The following RAP1GAP2 variants were observed in gnomAD, a reference collection of about 807,000 sequenced individuals.
The protein encoded by RAP1GAP2 is rap1 GTPase-activating protein 2.
A neutral mutation model predicts 95.0 loss-of-function variants in RAP1GAP2; 27 were observed. The ratio of observed to expected loss-of-function variants is 0.28; its 90% CI spans 0.21 to 0.39. The LOEUF (loss-of-function observed/expected upper bound fraction) is 0.39, where lower values mean the gene tolerates loss of function less well. Ranked by LOEUF, RAP1GAP2 falls within the 10% of genes least tolerant of loss-of-function variation. The pLI is 1.00. For synonymous variants in RAP1GAP2, 373 were observed against 380.9 expected, an observed-to-expected ratio of 0.98 and a Z score of 0.24; for missense variants, 771 against 970.0, an observed-to-expected ratio of 0.79 and a Z score of 2.72.
rs368266109 is a variant in RAP1GAP2, at chr17:2,927,399, C to T, written c.165+22031C>T. On this transcript the variant is annotated intron_variant, in intron 3 of 24. Transcript: ENST00000254695. ...CGATCTCCTGACCTCGTGATCCGCC[C>T]GCCTTGGCCTCCCAAAGTGCTGGGA... 4.8e-4 allele frequency among the ~76,000 whole-genome samples: 73 copies of T among 151,838 alleles called. No homozygotes were observed. In the South Asian group the frequency reaches 0.01, roughly 21 times the overall value.
At chr17:2,911,682 G>A (rs1372047197) in intron 3 of RAP1GAP2, among the ~76,000 whole-genome samples, 3 of 151,322 alleles carry the variant, frequency 2.0e-5, no homozygotes, top group Non-Finnish European at 4.4e-5. Context: ...AACGCTATGT[G>A]GGGAGGTGGG....
intron 2 of RAP1GAP2, among the ~76,000 whole-genome samples, chr17:2,807,056 G>A (rs1353581808): frequency 6.7e-6 from 1 of 150,060 alleles, no homozygotes; most frequent in East Asian, 2.0e-4. Context: ...GCACGTTTTT[G>A]TGGCTAATTT....
Position 2,796,480 on chromosome 17 carries a change from G to C in RAP1GAP2, c.-48G>C, listed in dbSNP as rs1435771620. The stretch of plus-strand genomic sequence containing the variant: ...ACGGCCCTCTTGCGGACAGCCCCGG[G>C]GACGTCGTTGGGACATCGCTGGGAC... On this transcript the variant is annotated 5_prime_UTR_variant, in exon 1 of 25. Coordinates refer to ENST00000254695, the MANE Select transcript of RAP1GAP2 (RefSeq NM_015085.5). This position sits in a 1 kb window ranked among gnomAD's most constrained non-coding sequence, Gnocchi z 4.7. The C allele has an allele frequency of 3.2e-6, 5 of 1,550,534 alleles. No homozygotes were observed. The highest frequency in any genetic ancestry group is 8.7e-7 in the Non-Finnish European group (1 of 1,146,464).
Position 2,891,809 on chromosome 17 carries a change from C to CTTTTTTTTTTT in RAP1GAP2, c.81-13471_81-13470insTTTTTTTTTTT, listed in dbSNP as rs1488865061. 5.2e-5 allele frequency among the ~76,000 whole-genome samples: 3 copies of CTTTTTTTTTTT among 58,030 alleles called. 1 individual carries two copies. The highest frequency in any genetic ancestry group is 8.1e-5 in the Non-Finnish European group (2 of 24,700). The allele number at this position is 58,030 out of a possible 152,430, so 38.1% of individuals were successfully genotyped here. A position where few individuals can be genotyped will look rare whatever the true frequency, so the allele number is the denominator to read the frequency against. On this transcript the variant is annotated intron_variant, in intron 2 of 24. Transcript: ENST00000254695. ...TCTGATGATATGCAGATTCATATTTCTTTTCTTTTTTTTTTTTTTTTTTTT... is the reference window on the plus strand; with the variant it reads ...TCTGATGATATGCAGATTCATATTTCTTTTTTTTTTTTTTTCTTTTTTTTTTTTTTTTTTTT...
At chr17:2,842,155 G>A (rs1364656352) in intron 2 of RAP1GAP2, among the ~76,000 whole-genome samples, 1 of 152,170 alleles carries the variant, frequency 6.6e-6, no homozygotes, top group African/African-American at 2.4e-5. Context: ...CAGCTGGTCA[G>A]GGCCCACGCT....
intron 2 of RAP1GAP2, among the ~76,000 whole-genome samples, chr17:2,874,186 TTAAATAAGAGG>T (rs2072983655): frequency 1.3e-5 from 2 of 152,172 alleles, no homozygotes; most frequent in Admixed American, 1.3e-4. Context: ...ATTCTGCAGA[TTAAATAAGAGG>T]CATAAGATTG....
chr17:2,787,806 A>C (rs899536806), intron 1 of RAP1GAP2, among the ~76,000 whole-genome samples: 1 of 152,122 alleles, frequency 6.6e-6, no homozygotes, highest in African/African-American at 2.4e-5. Flanking sequence ...TGACCTCGTG[A>C]TCTGCCCGCC....
At chr17:2,986,440 A>C (rs1447058856) in intron 11 of RAP1GAP2, among the ~76,000 whole-genome samples, 1 of 152,182 alleles carries the variant, frequency 6.6e-6, no homozygotes, top group Non-Finnish European at 1.5e-5. Context: ...ATGTTCCAGC[A>C]AAGTTATAAT....
At chr17:2,817,903 C>G (rs2070098000) in intron 2 of RAP1GAP2, among the ~76,000 whole-genome samples, 1 of 128,304 alleles carries the variant, frequency 7.8e-6, no homozygotes, top group Non-Finnish European at 1.8e-5. Context: ...AGGGCACAAT[C>G]TCAGCTCACT....
intron 3 of RAP1GAP2, among the ~76,000 whole-genome samples, chr17:2,943,751 T>C (rs58031764): frequency 0.057 from 8,723 of 152,076 alleles, 391 homozygotes; most frequent in African/African-American, 0.11. Flanking sequence ...AAAGAAGACA[T>C]ACAAGTGGTC....
intron 14 of RAP1GAP2, among the ~76,000 whole-genome samples, chr17:3,001,265 A>ACT (rs1443493216): frequency 1.7e-4 from 7 of 41,512 alleles, no homozygotes; most frequent in Non-Finnish European, 3.3e-4. Flanking sequence ...TCCAAGCTCC[A>ACT]GGCTGAAGTG....
At chr17:2,890,941 C>T (rs1374845030) in intron 2 of RAP1GAP2, among the ~76,000 whole-genome samples, 1 of 152,108 alleles carries the variant, frequency 6.6e-6, no homozygotes, top group African/African-American at 2.4e-5. Context: ...CCACCTCGGC[C>T]TCCCAAAGTG....
chr17:2,780,136 C>T (rs12938196), intron 1 of RAP1GAP2, among the ~76,000 whole-genome samples: 28,230 of 152,092 alleles, frequency 0.19, 2,995 homozygotes, highest in African/African-American at 0.28. Flanking sequence ...CCGCAACCTC[C>T]GCCTCCTGGG....
At chr17:2,815,389 AG>A (rs972213045) in intron 2 of RAP1GAP2, among the ~76,000 whole-genome samples, 5 of 152,002 alleles carry the variant, frequency 3.3e-5, no homozygotes, top group African/African-American at 4.8e-5. Flanking sequence ...GAGATTATCC[AG>A]GTGAAATGGG....
chr17:2,786,881 A>G (rs1238216937), intron 1 of RAP1GAP2, among the ~76,000 whole-genome samples: 2 of 150,188 alleles, frequency 1.3e-5, no homozygotes, highest in Non-Finnish European at 2.9e-5. Context: ...TCCTGACCTC[A>G]AGTGATCCAC....
rs3039128 is a variant in RAP1GAP2, at chr17:2,889,889, ATTT to A, written c.81-15382_81-15380del. On this transcript the variant is annotated intron_variant, in intron 2 of 24. Transcript: ENST00000254695. ...TATATATATATATATATATATATATATTTTTTTTTTTTTTTGTAGAGATGGGTT... is the reference window on the plus strand; with the variant it reads ...TATATATATATATATATATATATATATTTTTTTTTTTTGTAGAGATGGGTT... Among the ~76,000 whole-genome samples the A allele has an allele frequency of 1.3e-3, 74 of 57,314 alleles. 3 individuals are homozygous for A. Among genetic ancestry groups the A allele is most frequent in the African/African-American group, 5.1e-3 (71 of 13,866 alleles). The allele number at this position is 57,314 out of a possible 152,430, so 37.6% of individuals were successfully genotyped here. A position where few individuals can be genotyped will look rare whatever the true frequency, so the allele number is the denominator to read the frequency against.
intron 11 of RAP1GAP2, among the ~76,000 whole-genome samples, chr17:2,987,432 C>T (rs184353221): frequency 5.9e-5 from 9 of 151,456 alleles, no homozygotes; most frequent in Admixed American, 5.3e-4. Context: ...GGTGTGATCT[C>T]GGCTCATTGC....
rs368581626 is a variant in RAP1GAP2, at chr17:2,957,706, G to A, written c.166-53G>A. ...AGTTGGTGAGGAAGAGGCTTTTGCTGTGGACCTCCCGGCTGATCCCTGTCT... is the reference window on the plus strand; with the variant it reads ...AGTTGGTGAGGAAGAGGCTTTTGCTATGGACCTCCCGGCTGATCCCTGTCT... On this transcript the variant is annotated intron_variant, in intron 3 of 24. Transcript: ENST00000254695. 1.0e-5 allele frequency: 16 copies of A among 1,572,372 alleles called. No homozygotes were observed. In the African/African-American group the frequency reaches 2.0e-4, roughly 20 times the overall value.
chr17:2,868,201 G>A (rs1307642341), intron 2 of RAP1GAP2, among the ~76,000 whole-genome samples: 3 of 152,154 alleles, frequency 2.0e-5, no homozygotes, highest in African/African-American at 7.2e-5. Context: ...CGTCTGGCCA[G>A]TGGATGCTTT....
Sources: gnomAD v4.1 joint callset for allele counts (sites outside exome capture counted in the v4.1 genomes callset) on GRCh38, gnomAD v4.1.1 for gene constraint, Gnocchi (gnomAD v3.1) non-coding constraint, MANE v1.5 for transcripts, NCBI Gene and HGNC (gene_info 2026-07-23, HGNC 2026-07-21) for gene names.